Variants in PHKA2 observed in about 807,000 individuals in gnomAD.
PHKA2 encodes phosphorylase kinase regulatory subunit alpha 2.
Under a neutral mutation model 102.0 loss-of-function variants are expected in PHKA2, and 31 were observed. The observed-to-expected ratio is 0.30, with a 90% CI of 0.23 to 0.41. PHKA2 has a LOEUF of 0.41. PHKA2 is among the 10% of genes least tolerant of loss of function. The pLI, the probability that PHKA2 is intolerant of heterozygous loss-of-function variation, is 1.00. For missense variants in PHKA2, 858 were observed against 1,023.1 expected (o/e 0.84, Z 2.20); for synonymous variants, 455 against 416.2 (o/e 1.09, Z -1.13).
rs2048489660 is a variant in PHKA2 at position 18,941,623 on chromosome X, G to C, written c.770C>G (p.Ala257Gly). Residue 257 changes from alanine to glycine, a missense_variant, in exon 8 of 33, where the codon GCT becomes GGT. By Grantham distance (60) the Ala-to-Gly change is moderately conservative. Around this residue, in one of 2 missense-constraint regions of PHKA2, gnomAD observed 187 missense variants for 277.9 expected, o/e 0.67. Coordinates refer to ENST00000379942, the MANE Select transcript of PHKA2 (RefSeq NM_000292.3). ...GAAGGAAATAATGGAAAGAAGTCCA[G>C]CATCAATTTCTTTAGATGTCGACGC... is the stretch of plus-strand genomic sequence containing the variant. ...PRASTSKEID[A>G]GLLSIISFPA... 5 of 1,162,197 alleles carry C rather than the reference G, an allele frequency of 4.3e-6. No homozygotes were observed. The African/African-American group carries it at 8.8e-5, about 20-fold the overall frequency.
intron 22 of PHKA2, 61 bp downstream of exon 22, chrX:18,907,838 TG>T: frequency 8.9e-7 from 1 of 1,118,493 alleles, no homozygotes; most frequent in Non-Finnish European, 1.2e-6. Context: ...AGATTGGAAG[TG>T]GAAGAGGAAG....
chrX:18,916,101 A>G (rs1428765311), intron 19 of PHKA2, among the ~76,000 whole-genome samples: 3 of 112,119 alleles, frequency 2.7e-5, no homozygotes, highest in Non-Finnish European at 5.6e-5. Flanking sequence ...AGAGAAAAAC[A>G]GCTCATATTT....
In PHKA2 at chrX:18,924,095, G is replaced by C; in HGVS notation, c.1754C>G (p.Thr585Arg). The C allele has an allele frequency of 1.7e-6, 2 of 1,205,958 alleles. No homozygotes were observed. Among genetic ancestry groups the C allele is most frequent in the Non-Finnish European group, 2.2e-6 (2 of 890,015 alleles). ...GSDIHSAVLS[T>R]IRKLEDGYFG... ...ATATCCATCCTCTAGTTTTCTAATT[G>C]TGGAGAGCACAGCAGAATGAATGTC... is the stretch of plus-strand genomic sequence containing the variant. Residue 585 changes from threonine to arginine, a missense_variant, in exon 17 of 33, where the codon ACA becomes AGA. Transcript: ENST00000379942.
chrX:18,955,562 AAG>A lies in PHKA2; in HGVS notation c.79-1152_79-1151del, dbSNP rs776917145. On this transcript the variant is annotated intron_variant, in intron 1 of 32. Transcript: ENST00000379942. ...TAAACTCTGCCTAGAAATCAGATTA[AAG>A]AGTCACATAATGATAAAGCCTCTGT... Among the ~76,000 whole-genome samples, 85 of 111,596 alleles carry A rather than the reference AAG, an allele frequency of 7.6e-4. No homozygotes were observed. In the East Asian group the frequency reaches 0.018, roughly 23 times the overall value.
At chrX:18,907,783 G>C (rs2047847929) in intron 22 of PHKA2, 117 bp downstream of exon 22, 6 of 802,744 alleles carry the variant, frequency 7.5e-6, no homozygotes, top group Non-Finnish European at 1.1e-5. Flanking sequence ...CTCCACCTGT[G>C]GGTTAAAGAA....
chrX:18,937,974 GAAC>G (rs1161980376), intron 10 of PHKA2, among the ~76,000 whole-genome samples: 1 of 111,928 alleles, frequency 8.9e-6, no homozygotes, highest in Non-Finnish European at 1.9e-5. Flanking sequence ...GATCTGGAAA[GAAC>G]AACAGCAACA....
chrX:18,904,193 G>A (rs1029082438), intron 26 of PHKA2, among the ~76,000 whole-genome samples: 5 of 111,693 alleles, frequency 4.5e-5, no homozygotes, highest in Non-Finnish European at 7.5e-5. Context: ...GATGAGCTGG[G>A]GAGGGAGGAC....
At chrX:18,941,051 G>A (rs764466681) in intron 8 of PHKA2, among the ~76,000 whole-genome samples, 125 of 112,205 alleles carry the variant, frequency 1.1e-3, no homozygotes, top group African/African-American at 3.9e-3. Context: ...TAATTTTACC[G>A]ATAGTTTCAA....
At chrX:18,937,352 A>G (rs2048409585) in intron 10 of PHKA2, among the ~76,000 whole-genome samples, 1 of 111,364 alleles carries the variant, frequency 9.0e-6, no homozygotes, top group Non-Finnish European at 1.9e-5. Flanking sequence ...GCATCAGTAA[A>G]TGTTTACTGA....
chrX:18,980,649 C>T lies in PHKA2; in HGVS notation c.78+3206G>A, dbSNP rs5955672. ...CTGTTCTCCTGCCGCATTCCCCTTGCTGAGATAGTGAAAATAGTAATCAAT... is the reference window on the plus strand; with the variant it reads ...CTGTTCTCCTGCCGCATTCCCCTTGTTGAGATAGTGAAAATAGTAATCAAT... On this transcript the variant is annotated intron_variant, in intron 1 of 32. Coordinates refer to ENST00000379942, the MANE Select transcript of PHKA2 (RefSeq NM_000292.3). 2.4e-3 allele frequency among the ~76,000 whole-genome samples: 273 copies of T among 112,024 alleles called. 2 individuals carry two copies. Among genetic ancestry groups the T allele is most frequent in the African/African-American group, 8.3e-3 (255 of 30,817 alleles).
At chrX:18,928,597 A>C (rs1175541608) in intron 13 of PHKA2, among the ~76,000 whole-genome samples, 1 of 112,236 alleles carries the variant, frequency 8.9e-6, no homozygotes, top group Admixed American at 9.4e-5. Flanking sequence ...CTAAGAAGGA[A>C]GGTAGGAAGA....
At position 18,913,228 on chromosome X, in the gene PHKA2, TA is replaced by T. The variant is rs201277914; in HGVS notation, c.2138-2269del. 6.1e-3 allele frequency among the ~76,000 whole-genome samples: 681 copies of T among 111,610 alleles called. 6 individuals carry two copies. Among genetic ancestry groups the T allele is most frequent in the African/African-American group, 0.02 (624 of 30,755 alleles). ...AATGTGAAGGCCTAGGACATGACTGTACACTGCTGTAGACTTCATAAATACT... is the reference window on the plus strand; with the variant it reads ...AATGTGAAGGCCTAGGACATGACTGTCACTGCTGTAGACTTCATAAATACT... On this transcript the variant is annotated intron_variant, in intron 19 of 32. Transcript: ENST00000379942.
intron 7 of PHKA2, among the ~76,000 whole-genome samples, chrX:18,942,621 T>A (rs2048511028): frequency 9.1e-6 from 1 of 110,185 alleles, no homozygotes; most frequent in South Asian, 3.9e-4. Context: ...GGTGGGAAGA[T>A]CACTTGAGGC....
At chrX:18,973,787 C>T (rs997501593) in intron 1 of PHKA2, among the ~76,000 whole-genome samples, 33 of 112,544 alleles carry the variant, frequency 2.9e-4, no homozygotes, top group African/African-American at 1.1e-3. Context: ...TGCACCCATG[C>T]AGCTAAACGT....
intron 19 of PHKA2, among the ~76,000 whole-genome samples, chrX:18,914,293 T>A (rs759663406): frequency 3.6e-5 from 4 of 112,295 alleles, no homozygotes; most frequent in Admixed American, 9.4e-5. Context: ...TATTTTTTTT[T>A]AAAAGACAAA....
At chrX:18,933,353 C>T (rs759023585) in intron 11 of PHKA2, among the ~76,000 whole-genome samples, 73 of 112,721 alleles carry the variant, frequency 6.5e-4, no homozygotes, top group Non-Finnish European at 1.1e-3. Context: ...TGGACCAGCT[C>T]GTCTGGCCCC....
chrX:18,898,338 G>A (rs904174083), intron 29 of PHKA2, among the ~76,000 whole-genome samples: 3 of 112,835 alleles, frequency 2.7e-5, no homozygotes, highest in Non-Finnish European at 5.6e-5. Flanking sequence ...GAGTGGGGGC[G>A]CATCCCCTCC....
At chrX:18,905,303 A>T (rs1325159625) in intron 26 of PHKA2, among the ~76,000 whole-genome samples, 1 of 111,974 alleles carries the variant, frequency 8.9e-6, no homozygotes, top group Non-Finnish European at 1.9e-5. Context: ...CCTCCTGAGT[A>T]CCTGGGATTA....
chrX:18,910,774 G>A, intron 20 of PHKA2, 98 bp downstream of exon 20: 1 of 514,274 alleles, frequency 1.9e-6, no homozygotes, highest in Admixed American at 2.4e-5. Context: ...CGAGAAATAT[G>A]CTGTTTCTTT....
Sources: allele counts gnomAD v4.1 joint callset (sites outside exome capture counted in the v4.1 genomes callset), GRCh38; gene constraint gnomAD v4.1.1; regional missense constraint gnomAD v4.1.1; transcripts MANE v1.5; gene names NCBI Gene and HGNC (gene_info 2026-07-23, HGNC 2026-07-21).